SGCG: variants seen among roughly 807,000 people sequenced by gnomAD.
The protein encoded by SGCG is sarcoglycan gamma, also known as gamma-sarcoglycan.
Under a neutral mutation model 29.3 loss-of-function variants are expected in SGCG, and 26 were observed. That is an observed-to-expected ratio of 0.89 (90% CI 0.65 to 1.23). SGCG has a LOEUF of 1.23. Among genes scored for constraint, SGCG ranks in the 50% most tolerant of loss-of-function variants. SGCG has a pLI of 0.00. For missense variants in SGCG, 353 were observed against 356.0 expected, an observed-to-expected ratio of 0.99 and a Z score of 0.07; for synonymous variants, 145 against 129.7, an observed-to-expected ratio of 1.12 and a Z score of -0.80.
chr13:23,266,296 C>CAT (rs71185063), intron 4 of SGCG, among the ~76,000 whole-genome samples: 13,512 of 150,448 alleles, frequency 0.09, 725 homozygotes, highest in South Asian at 0.14. Flanking sequence ...TGCTATATCA[C>CAT]ATATATATAT....
At chr13:23,177,817 G>T (rs548424757), upstream of SGCG, among the ~76,000 whole-genome samples, 6 of 151,790 alleles carry the variant, frequency 4.0e-5, no homozygotes, top group Non-Finnish European at 8.8e-5. Flanking sequence ...GACCTCAAGT[G>T]ATCTGCTCAC....
At chr13:23,311,118 C>G (rs531273397) in intron 6 of SGCG, among the ~76,000 whole-genome samples, 2 of 152,258 alleles carry the variant, frequency 1.3e-5, no homozygotes, top group South Asian at 4.1e-4. Context: ...TAGTCAAGTG[C>G]TGGTTAGGCT....
chr13:23,165,612 C>T, the SGCG span, among the ~76,000 whole-genome samples: 3 of 151,844 alleles, frequency 2.0e-5, no homozygotes, highest in African/African-American at 7.3e-5. Context: ...GCAACCTCCA[C>T]CTCCCGGGTT....
intron 4 of SGCG, among the ~76,000 whole-genome samples, chr13:23,251,682 G>A (rs1566017614): frequency 2.0e-5 from 3 of 152,124 alleles, no homozygotes. Flanking sequence ...CTGAGACAGG[G>A]AGGATCACTC....
intron 3 of SGCG, among the ~76,000 whole-genome samples, chr13:23,249,749 A>G (rs4550321): frequency 0.7 from 105,825 of 151,986 alleles, 37,415 homozygotes; most frequent in East Asian, 0.91. Flanking sequence ...CAAAAGCCAC[A>G]ATGGACAGCA....
At chr13:23,252,921 C>CTTAA (rs1490823050) in intron 4 of SGCG, among the ~76,000 whole-genome samples, 1 of 152,126 alleles carries the variant, frequency 6.6e-6, no homozygotes, top group Non-Finnish European at 1.5e-5. Flanking sequence ...AGACTGAGGG[C>CTTAA]TTACTTCTCT....
At chr13:23,196,384 AT>A (rs35930018) in intron 1 of SGCG, among the ~76,000 whole-genome samples, 109,537 of 151,840 alleles carry the variant, frequency 0.72, 39,817 homozygotes, top group East Asian at 0.95. Context: ...TGGGGGGGTT[AT>A]TGTTAACTTT....
chr13:23,218,918 T>C (rs747389505), intron 2 of SGCG, among the ~76,000 whole-genome samples: 113 of 147,944 alleles, frequency 7.6e-4, no homozygotes, highest in Non-Finnish European at 1.4e-3. Context: ...TATAAATATA[T>C]ATATTATTTA....
intron 2 of SGCG, among the ~76,000 whole-genome samples, chr13:23,207,424 A>C (rs749284520): frequency 1.3e-5 from 2 of 152,196 alleles, no homozygotes; most frequent in Non-Finnish European, 2.9e-5. Flanking sequence ...GATTTCTTGA[A>C]TATCAAAAGC....
chr13:23,263,832 A>G (rs1310489426), intron 4 of SGCG, among the ~76,000 whole-genome samples: 1 of 152,134 alleles, frequency 6.6e-6, no homozygotes, highest in Admixed American at 6.6e-5. Context: ...AAACCATATG[A>G]TCATCTCAGT....
At chr13:23,225,327 G>C (rs987353810) in intron 2 of SGCG, among the ~76,000 whole-genome samples, 1 of 152,158 alleles carries the variant, frequency 6.6e-6, no homozygotes, top group Admixed American at 6.5e-5. Flanking sequence ...TGATTAAAGG[G>C]CCAGGCTTCA....
At chr13:23,255,796 A>C (rs138887897) in intron 4 of SGCG, among the ~76,000 whole-genome samples, 9 of 152,350 alleles carry the variant, frequency 5.9e-5, no homozygotes, top group African/African-American at 1.7e-4. Context: ...AAGACATAAC[A>C]GTTTGTAGAG....
chr13:23,308,036 G>C (rs1378537721), intron 6 of SGCG, among the ~76,000 whole-genome samples: 1 of 152,178 alleles, frequency 6.6e-6, no homozygotes, highest in African/African-American at 2.4e-5. Flanking sequence ...AGTCTAACAA[G>C]AAGTGGATTG....
At chr13:23,241,994 C>A (rs751893195) in intron 3 of SGCG, among the ~76,000 whole-genome samples, 1 of 152,006 alleles carries the variant, frequency 6.6e-6, no homozygotes, top group Non-Finnish European at 1.5e-5. Flanking sequence ...AAAATGGATT[C>A]TTTTAGAAGA....
intron 4 of SGCG, among the ~76,000 whole-genome samples, chr13:23,261,518 C>T (rs993019631): frequency 1.3e-5 from 2 of 151,830 alleles, no homozygotes; most frequent in Non-Finnish European, 2.9e-5. Context: ...TTATGTAAAA[C>T]AACCAAACTA....
intron 6 of SGCG, 130 bp from the exon 7 acceptor site, chr13:23,320,507 C>A: frequency 1.3e-6 from 1 of 755,314 alleles, no homozygotes; most frequent in Non-Finnish European, 2.2e-6. Flanking sequence ...CAATATGTTA[C>A]CATTTGAGAA....
chr13:23,306,752 A>G (rs1295567997), intron 6 of SGCG, among the ~76,000 whole-genome samples: 6 of 152,196 alleles, frequency 3.9e-5, no homozygotes, highest in Non-Finnish European at 7.3e-5. Flanking sequence ...AATTCTAGCA[A>G]TTCCAAGAAA....
intron 2 of SGCG, among the ~76,000 whole-genome samples, chr13:23,210,607 G>C (rs511064): frequency 0.86 from 130,470 of 152,114 alleles, 55,990 homozygotes; most frequent in Middle Eastern, 0.89. Context: ...AAGAGAATGC[G>C]GTGAACCCGG....
chr13:23,295,513 C>G, intron 6 of SGCG, 26 bp downstream of exon 6: 14 of 1,488,960 alleles, frequency 9.4e-6, no homozygotes, highest in Non-Finnish European at 1.3e-5. Context: ...CAAATATTAA[C>G]AACCTCTCCT....
Sources: allele counts gnomAD v4.1 joint callset (sites outside exome capture counted in the v4.1 genomes callset), GRCh38; gene constraint gnomAD v4.1.1; transcripts MANE v1.5; gene names NCBI Gene and HGNC (gene_info 2026-07-23, HGNC 2026-07-21).